DPP6: variants seen among roughly 807,000 people sequenced by gnomAD.
The protein encoded by DPP6 is A-type potassium channel modulatory protein DPP6.
A neutral mutation model predicts 122.6 loss-of-function variants in DPP6; 69 were observed. The ratio of observed to expected loss-of-function variants is 0.56; its 90% CI spans 0.46 to 0.69. The LOEUF (loss-of-function observed/expected upper bound fraction) is 0.69. Ranked by LOEUF, DPP6 falls within the 30% of genes least tolerant of loss-of-function variation. DPP6 has a pLI of 0.00. For missense variants in DPP6, 928 were observed against 1,116.9 expected (o/e 0.83, Z 2.41); for synonymous variants, 418 against 433.1 (o/e 0.97, Z 0.43).
At chr7:153,944,455 C>T (rs573902624) in intron 1 of DPP6, among the ~76,000 whole-genome samples, 37 of 152,054 alleles carry the variant, frequency 2.4e-4, no homozygotes, top group Non-Finnish European at 4.7e-4. Context: ...GCGAGAAGAG[C>T]GTGTTGGGGA....
At chr7:154,324,339 C>T (rs1485161281) in intron 1 of DPP6, among the ~76,000 whole-genome samples, 2 of 152,156 alleles carry the variant, frequency 1.3e-5, no homozygotes, top group African/African-American at 2.4e-5. Context: ...CTTGTGCGCT[C>T]CCCCCTTTGA....
intron 1 of DPP6, among the ~76,000 whole-genome samples, chr7:154,334,556 C>A (rs1809232819): frequency 6.6e-6 from 1 of 152,090 alleles, no homozygotes; most frequent in Admixed American, 6.6e-5. Flanking sequence ...CTCAATAAAC[C>A]CTGGTGGCGA....
intron 6 of DPP6, among the ~76,000 whole-genome samples, 177 bp from the exon 7 acceptor site, chr7:154,669,182 GA>G (rs1375215440): frequency 6.6e-6 from 1 of 152,188 alleles, no homozygotes; most frequent in Non-Finnish European, 1.5e-5. Flanking sequence ...TACATCTGAA[GA>G]AACCTAATAG....
intron 1 of DPP6, among the ~76,000 whole-genome samples, chr7:154,415,512 G>C (rs558119298): frequency 1.3e-5 from 2 of 152,128 alleles, no homozygotes; most frequent in African/African-American, 4.8e-5. Flanking sequence ...TAGGTTGTGA[G>C]CTCTGCGGTA....
At chr7:154,317,087 C>T (rs1042318843) in intron 1 of DPP6, among the ~76,000 whole-genome samples, 1 of 152,196 alleles carries the variant, frequency 6.6e-6, no homozygotes, top group Non-Finnish European at 1.5e-5. Context: ...CCTGTCCCCC[C>T]ACCAATCTGG....
chr7:154,726,338 C>T (rs958509954), intron 7 of DPP6, among the ~76,000 whole-genome samples: 3 of 152,208 alleles, frequency 2.0e-5, no homozygotes, highest in Non-Finnish European at 4.4e-5. Flanking sequence ...GACTTCCAGG[C>T]ATTTCATACA....
intron 1 of DPP6, among the ~76,000 whole-genome samples, chr7:154,253,070 A>G (rs189453062): frequency 4.6e-5 from 7 of 152,384 alleles, no homozygotes; most frequent in Admixed American, 6.5e-5. Flanking sequence ...TGTGCAGAGT[A>G]AACGCATGTA....
At chr7:153,767,368 CTTTTTG>C in the DPP6 span, among the ~76,000 whole-genome samples, 1 of 152,030 alleles carries the variant, frequency 6.6e-6, no homozygotes, top group South Asian at 2.1e-4. Context: ...AAGTGAGAAA[CTTTTTG>C]TTGTTGTTGT....
rs916115076 is a variant in DPP6, at chr7:154,520,862, A to G, written c.458-19670A>G. Among the ~76,000 whole-genome samples the G allele has an allele frequency of 2.6e-5, 4 of 152,304 alleles. 1 individual carries two copies. The highest frequency in any genetic ancestry group is 6.8e-3 in the Middle Eastern group (2 of 294). On this transcript the variant is annotated intron_variant, in intron 3 of 25. Transcript: ENST00000377770. ...CGGAGACAATAGGAACAGACATCAAAATTATCAGTAACGCAAAATATAAGT... is the reference window on the plus strand; with the variant it reads ...CGGAGACAATAGGAACAGACATCAAGATTATCAGTAACGCAAAATATAAGT...
intron 1 of DPP6, among the ~76,000 whole-genome samples, chr7:153,975,718 C>A (rs1267747125): frequency 6.6e-6 from 1 of 151,988 alleles, no homozygotes; most frequent in Non-Finnish European, 1.5e-5. Flanking sequence ...TAATAGTTTT[C>A]TTTACATCTT....
At chr7:154,083,479 G>A (rs1327289806) in intron 1 of DPP6, among the ~76,000 whole-genome samples, 1 of 149,750 alleles carries the variant, frequency 6.7e-6, no homozygotes, top group Non-Finnish European at 1.5e-5. Context: ...TGAGTCTCTG[G>A]TTCCTGGTCA....
At chr7:154,841,883 G>T (rs546628715) in intron 16 of DPP6, among the ~76,000 whole-genome samples, 1 of 152,196 alleles carries the variant, frequency 6.6e-6, no homozygotes, top group South Asian at 2.1e-4. Context: ...TGGAGGGGGT[G>T]GGGACAGCCT....
intron 5 of DPP6, among the ~76,000 whole-genome samples, chr7:154,574,779 A>G (rs1318984084): frequency 2.1e-4 from 17 of 81,476 alleles, no homozygotes; most frequent in East Asian, 1.1e-3. Context: ...TGTGGTGCAT[A>G]TGTGTGTGTG....
At chr7:153,822,705 T>A in the DPP6 span, among the ~76,000 whole-genome samples, 1 of 152,222 alleles carries the variant, frequency 6.6e-6, no homozygotes, top group Non-Finnish European at 1.5e-5. Flanking sequence ...AACTACCGGC[T>A]GTGGTGGACA....
chr7:154,490,590 G>T (rs1463373245), intron 3 of DPP6, among the ~76,000 whole-genome samples: 1 of 152,150 alleles, frequency 6.6e-6, no homozygotes, highest in African/African-American at 2.4e-5. Flanking sequence ...AAACACCTCT[G>T]GGCACCAAAT....
In DPP6 at chr7:154,727,813, A is replaced by C; in HGVS notation, c.809A>C (p.Lys270Thr). The C allele has an allele frequency of 6.2e-7, 1 of 1,613,992 alleles. No individual in the cohort carries two copies. Among genetic ancestry groups the C allele is most frequent in the Non-Finnish European group, 8.5e-7 (1 of 1,179,868 alleles). Reference protein sequence around the residue: ...NNIYYCAHVGKQAIRVVSTGK... With the variant: ...NNIYYCAHVGTQAIRVVSTGK... Reference sequence around the variant, plus strand: ...ATCTACTACTGTGCACATGTCGGGAAACAGGCCATCCGTGTGGTCTCCACT... The same window carrying C: ...ATCTACTACTGTGCACATGTCGGGACACAGGCCATCCGTGTGGTCTCCACT... Residue 270 changes from lysine to threonine, a missense_variant, in exon 8 of 26, where the codon AAA (lysine) becomes ACA (threonine). Transcript: ENST00000377770.
chr7:154,677,287 G>A (rs183526734), intron 7 of DPP6, among the ~76,000 whole-genome samples: 6 of 152,222 alleles, frequency 3.9e-5, no homozygotes, highest in African/African-American at 1.4e-4. Flanking sequence ...ACCTACCCAT[G>A]AGCATCTGCC....
intron 1 of DPP6, among the ~76,000 whole-genome samples, chr7:154,422,862 C>T (rs1817591613): frequency 6.6e-6 from 1 of 152,176 alleles, no homozygotes; most frequent in African/African-American, 2.4e-5. Context: ...AGATCCAGAG[C>T]AGGGTCTCCC....
chr7:154,794,391 G>A (rs1235025745), intron 11 of DPP6, among the ~76,000 whole-genome samples, 189 bp downstream of exon 11: 1 of 152,198 alleles, frequency 6.6e-6, no homozygotes, highest in African/African-American at 2.4e-5. Context: ...TGGTGCAGGC[G>A]CTGCCGCAGA....
Sources: gnomAD v4.1 joint callset for allele counts (sites outside exome capture counted in the v4.1 genomes callset) on GRCh38, gnomAD v4.1.1 for gene constraint, MANE v1.5 for transcripts, NCBI Gene and HGNC (gene_info 2026-07-23, HGNC 2026-07-21) for gene names.